RANBP2: variants seen among roughly 807,000 people sequenced by gnomAD.
RANBP2 encodes the protein E3 SUMO-protein ligase RanBP2.
A neutral mutation model predicts 303.6 loss-of-function variants in RANBP2; 57 were observed. The observed-to-expected ratio is 0.19, with a 90% CI of 0.15 to 0.23. The LOEUF (loss-of-function observed/expected upper bound fraction) is 0.23. Ranked by LOEUF, RANBP2 falls within the 10% of genes least tolerant of loss-of-function variation. The probability of loss-of-function intolerance (pLI) is 1.00; values close to 1 mark genes in which losing one functional copy is unlikely to be tolerated. For missense variants in RANBP2, 3,138 were observed against 3,780.8 expected, an observed-to-expected ratio of 0.83 and a Z score of 4.46; for synonymous variants, 1,167 against 1,301.5, an observed-to-expected ratio of 0.90 and a Z score of 2.23.
the RANBP2 span, chr2:109,615,683 C>T: frequency 2.5e-6 from 4 of 1,614,010 alleles, no homozygotes; most frequent in East Asian, 2.2e-5. Flanking sequence ...GAGCCCTGGA[C>T]GAGGGTGACG....
the RANBP2 span, among the ~76,000 whole-genome samples, chr2:109,122,995 C>T: frequency 6.6e-6 from 1 of 152,184 alleles, no homozygotes; most frequent in East Asian, 1.9e-4. Context: ...GTAACTTGCA[C>T]AGTGACGGTG....
the RANBP2 span, among the ~76,000 whole-genome samples, chr2:109,384,846 G>A: frequency 6.6e-6 from 1 of 152,218 alleles, no homozygotes; most frequent in African/African-American, 2.4e-5. Flanking sequence ...CAACCCGATG[G>A]TTCCCATGTG....
chr2:108,759,050 A>T (rs1676533072), intron 18 of RANBP2, among the ~76,000 whole-genome samples: 1 of 149,948 alleles, frequency 6.7e-6, no homozygotes, highest in Admixed American at 6.6e-5. Context: ...TGTGTAAGAT[A>T]ACCTGTCTGA....
chr2:109,667,430 T>C, the RANBP2 span: 1 of 370,498 alleles, frequency 2.7e-6, no homozygotes, highest in Non-Finnish European at 4.9e-6. Flanking sequence ...AACTATAGGT[T>C]AGAGGCAGGG....
chr2:109,423,348 C>T, the RANBP2 span, among the ~76,000 whole-genome samples: 1 of 152,262 alleles, frequency 6.6e-6, no homozygotes, highest in African/African-American at 2.4e-5. Flanking sequence ...GGGATGACCT[C>T]GCAGACCTTG....
At chr2:108,810,725 A>G in the RANBP2 span, among the ~76,000 whole-genome samples, 34 of 152,210 alleles carry the variant, frequency 2.2e-4, no homozygotes, top group African/African-American at 8.0e-4. Context: ...TAGTTTGAGA[A>G]TTGGTATTTG....
chr2:109,179,856 T>C, the RANBP2 span, among the ~76,000 whole-genome samples: 3 of 152,180 alleles, frequency 2.0e-5, no homozygotes, highest in Non-Finnish European at 4.4e-5. Flanking sequence ...CCACGCTGTC[T>C]CTTACCCCTC....
chr2:109,570,706 T>A, the RANBP2 span, among the ~76,000 whole-genome samples: 2 of 151,806 alleles, frequency 1.3e-5, no homozygotes, highest in Admixed American at 1.3e-4. Context: ...GTATTTTTAG[T>A]AGAGATGGGG....
the RANBP2 span, chr2:108,794,356 A>G: frequency 6.2e-6 from 1 of 160,106 alleles, no homozygotes; most frequent in African/African-American, 2.6e-5. Context: ...CAATTGCTGT[A>G]TACCCTTCAC....
chr2:109,568,013 A>AT, the RANBP2 span: 16,190 of 1,246,342 alleles, frequency 0.013, 3 homozygotes, highest in Non-Finnish European at 0.015. Context: ...CTTACTGAGG[A>AT]TTTTTTTTTT....
the RANBP2 span, among the ~76,000 whole-genome samples, chr2:109,509,211 A>G: frequency 6.6e-6 from 1 of 152,068 alleles, no homozygotes; most frequent in African/African-American, 2.4e-5. Flanking sequence ...GACCCACCTC[A>G]TGTATTCAGG....
chr2:108,774,342 C>A (rs1158291316), intron 23 of RANBP2, among the ~76,000 whole-genome samples: 1 of 152,074 alleles, frequency 6.6e-6, no homozygotes, highest in Non-Finnish European at 1.5e-5. Flanking sequence ...TGTGTGTAGT[C>A]CCAGCTATTT....
the RANBP2 span, among the ~76,000 whole-genome samples, chr2:109,381,073 A>G: frequency 1.3e-5 from 2 of 152,224 alleles, no homozygotes; most frequent in Admixed American, 1.3e-4. Flanking sequence ...CCACGGGTCT[A>G]CCAAGTGGTC....
chr2:109,088,371 T>C, the RANBP2 span, among the ~76,000 whole-genome samples: 2 of 117,628 alleles, frequency 1.7e-5, no homozygotes, highest in African/African-American at 6.7e-5. Context: ...CACTCCAGCC[T>C]GGGTGACAGA....
chr2:109,537,764 G>A, the RANBP2 span, among the ~76,000 whole-genome samples: 7 of 152,024 alleles, frequency 4.6e-5, no homozygotes, highest in African/African-American at 1.7e-4. Context: ...TGGGCAACGG[G>A]GCGAAACCCT....
the RANBP2 span, chr2:108,873,658 T>C: frequency 8.8e-7 from 1 of 1,142,000 alleles, no homozygotes; most frequent in Non-Finnish European, 1.2e-6. Context: ...AACCAGGGGT[T>C]TTAATCTTTT....
At chr2:109,615,380 G>A in the RANBP2 span, 89 of 1,612,938 alleles carry the variant, frequency 5.5e-5, no homozygotes, top group Non-Finnish European at 7.5e-5. Context: ...TGGTCAAGCG[G>A]GACTTCATTA....
chr2:108,773,099 C>T, intron 23 of RANBP2, 53 bp downstream of exon 23: 10 of 1,503,322 alleles, frequency 6.7e-6, no homozygotes, highest in Non-Finnish European at 9.1e-6. Flanking sequence ...TTTGTTGATG[C>T]AGTAAACTTT....
At chr2:109,343,723 C>T in the RANBP2 span, among the ~76,000 whole-genome samples, 7 of 151,232 alleles carry the variant, frequency 4.6e-5, no homozygotes, top group African/African-American at 1.7e-4. Context: ...CCTGCTTCTG[C>T]CCTGCTCCTG....
Sources: gnomAD v4.1 joint callset for allele counts (sites outside exome capture counted in the v4.1 genomes callset) on GRCh38, gnomAD v4.1.1 for gene constraint, MANE v1.5 for transcripts, NCBI Gene and HGNC (gene_info 2026-07-23, HGNC 2026-07-21) for gene names.